NAT1: variants seen among roughly 807,000 people sequenced by gnomAD.
NAT1 encodes N-acetyltransferase 1.
For missense variants in NAT1, 400 were observed against 339.2 expected, an observed-to-expected ratio of 1.18 and a Z score of -1.41; for synonymous variants, 144 against 122.6, an observed-to-expected ratio of 1.17 and a Z score of -1.16.
upstream of NAT1, among the ~76,000 whole-genome samples, chr8:18,209,282 T>G (rs1039323945): frequency 1.3e-5 from 2 of 152,348 alleles, no homozygotes; most frequent in Non-Finnish European, 2.9e-5. Context: ...AGGCATGTTC[T>G]AGAACAGTAG....
intron 2 of NAT1, among the ~76,000 whole-genome samples, chr8:18,198,964 CT>C (rs199668759): frequency 1.3e-5 from 2 of 151,572 alleles, no homozygotes; most frequent in African/African-American, 4.8e-5. Flanking sequence ...AGTGTTTTCT[CT>C]TTTTTTTGGA....
chr8:18,172,693 A>G (rs1802142688), intron 2 of NAT1, among the ~76,000 whole-genome samples: 1 of 152,214 alleles, frequency 6.6e-6, no homozygotes, highest in Non-Finnish European at 1.5e-5. Flanking sequence ...ATTCTGTTAT[A>G]AAATTAACTC....
intron 2 of NAT1, among the ~76,000 whole-genome samples, chr8:18,188,994 C>CAAAAAAAAAAAAAAAAAAAAAAAAAAA (rs55636901): frequency 1.2e-5 from 1 of 83,120 alleles, no homozygotes; most frequent in East Asian, 4.0e-4. Context: ...GACTCCGACT[C>CAAAAAAAAAAAAAAAAAAAAAAAAAAA]AAAAAAAAAA....
At chr8:18,209,586 C>A (rs1563181502), upstream of NAT1, among the ~76,000 whole-genome samples, 1 of 152,066 alleles carries the variant, frequency 6.6e-6, no homozygotes, top group Non-Finnish European at 1.5e-5. Flanking sequence ...CATATATCAC[C>A]CTCATACCAC....
intron 2 of NAT1, among the ~76,000 whole-genome samples, chr8:18,186,096 AG>A (rs373941765): frequency 2.4e-3 from 371 of 152,252 alleles, no homozygotes; most frequent in African/African-American, 8.7e-3. Context: ...TTTTGGGTGA[AG>A]TTTTCTACAT....
At chr8:18,186,450 C>T (rs1802739243) in intron 2 of NAT1, among the ~76,000 whole-genome samples, 1 of 152,078 alleles carries the variant, frequency 6.6e-6, no homozygotes, top group Admixed American at 6.6e-5. Context: ...TCACTCTTTT[C>T]CTTTCAAGCC....
At chr8:18,171,724 G>A (rs1802103594) in intron 2 of NAT1, among the ~76,000 whole-genome samples, 1 of 152,166 alleles carries the variant, frequency 6.6e-6, no homozygotes, top group African/African-American at 2.4e-5. Flanking sequence ...AAACCAGACT[G>A]CAGAGTTTAT....
chr8:18,217,886 T>G (rs901496427), intron 1 of NAT1, among the ~76,000 whole-genome samples: 1 of 152,190 alleles, frequency 6.6e-6, no homozygotes, highest in Non-Finnish European at 1.5e-5. Flanking sequence ...TCTTGTATAA[T>G]AGGGGCAATT....
At chr8:18,220,916 C>T (rs1436906038) in intron 2 of NAT1, among the ~76,000 whole-genome samples, 2 of 152,330 alleles carry the variant, frequency 1.3e-5, no homozygotes, top group African/African-American at 4.8e-5. Context: ...CCACCTAGTC[C>T]ATGTGACTAT....
Position 18,222,567 on chromosome 8 carries a change from G to A in NAT1, c.520G>A (p.Glu174Lys), listed in dbSNP as rs371668421. Reference sequence around the variant, plus strand: ...AAGGGAACAGTACATTCCAAATGAAGAATTTCTTCATTCTGATCTCCTAGA... The same window carrying A: ...AAGGGAACAGTACATTCCAAATGAAAAATTTCTTCATTCTGATCTCCTAGA... ...IRREQYIPNE[E>K]FLHSDLLEDS... Residue 174 changes from glutamate to lysine, a missense_variant, in exon 3 of 3, where the codon GAA (glutamate) becomes AAA (lysine). Coordinates refer to ENST00000307719, the MANE Select transcript of NAT1 (RefSeq NM_000662.8). The A allele has an allele frequency of 3.1e-6, 5 of 1,613,992 alleles. No homozygotes were observed. In the South Asian group the frequency reaches 5.5e-5, roughly 18 times the overall value.
At chr8:18,204,862 A>G (rs1216035531) in intron 2 of NAT1, among the ~76,000 whole-genome samples, 2 of 152,244 alleles carry the variant, frequency 1.3e-5, no homozygotes, top group African/African-American at 4.8e-5. Context: ...AAATCCTTTT[A>G]TCCTATTTGA....
intron 2 of NAT1, among the ~76,000 whole-genome samples, chr8:18,190,151 C>A (rs1802922650): frequency 6.6e-6 from 1 of 152,130 alleles, no homozygotes; most frequent in Non-Finnish European, 1.5e-5. Context: ...TTATAAGAAC[C>A]TGATGAGTGA....
chr8:18,173,431 A>G (rs1802173321), intron 2 of NAT1, among the ~76,000 whole-genome samples: 2 of 151,988 alleles, frequency 1.3e-5, no homozygotes, highest in African/African-American at 4.8e-5. Context: ...CCAACATATC[A>G]CTACACAGAG....
At chr8:18,184,308 T>A (rs886969891) in intron 2 of NAT1, among the ~76,000 whole-genome samples, 9 of 152,184 alleles carry the variant, frequency 5.9e-5, no homozygotes, top group African/African-American at 2.2e-4. Context: ...TTAGAATGCA[T>A]GGATCAGAGT....
chr8:18,201,298 G>A (rs189443929), intron 2 of NAT1: 1 of 152,170 alleles, frequency 6.6e-6, no homozygotes, highest in East Asian at 1.9e-4. Flanking sequence ...GTCCATTTTG[G>A]ATTCATTCAT....
chr8:18,190,681 T>C (rs1802945892), intron 2 of NAT1, among the ~76,000 whole-genome samples: 1 of 152,228 alleles, frequency 6.6e-6, no homozygotes, highest in Non-Finnish European at 1.5e-5. Context: ...GCCAGTTTTA[T>C]GCCTTCTGTC....
chr8:18,198,523 CTA>C (rs1008188767), intron 2 of NAT1, among the ~76,000 whole-genome samples: 9 of 152,220 alleles, frequency 5.9e-5, no homozygotes, highest in African/African-American at 2.2e-4. Context: ...GCAATAAACA[CTA>C]TTTCTGAAAA....
At chr8:18,174,649 T>A (rs1197281010) in intron 2 of NAT1, among the ~76,000 whole-genome samples, 1 of 152,062 alleles carries the variant, frequency 6.6e-6, no homozygotes, top group African/African-American at 2.4e-5. Context: ...GGGCGGTTAT[T>A]GTGATTTTTC....
In NAT1 at chr8:18,222,336, C is replaced by T. The variant is rs142535782; in HGVS notation, c.289C>T (p.Pro97Ser). The T allele has an allele frequency of 1.2e-6, 2 of 1,614,060 alleles. No individual in the cohort carries two copies. Among genetic ancestry groups the T allele is most frequent in the South Asian group, 1.1e-5 (1 of 91,078 alleles). ...TMLGGYVYST[P>S]AKKYSTGMIH... ...GTTGGGAGGGTATGTTTACAGCACT[C>T]CAGCCAAAAAATACAGCACTGGCAT... is the stretch of plus-strand genomic sequence containing the variant. The change falls in exon 3 of 3, where the codon CCA (proline) becomes TCA (serine). Residue 97 changes from proline (P) to serine (S), a missense_variant. By Grantham distance (74) the Pro-to-Ser change is moderately conservative (BLOSUM62 -1). Coordinates refer to ENST00000307719, the MANE Select transcript of NAT1 (RefSeq NM_000662.8).
Sources: allele counts gnomAD v4.1 joint callset (sites outside exome capture counted in the v4.1 genomes callset), GRCh38; gene constraint gnomAD v4.1.1; transcripts MANE v1.5; gene names NCBI Gene and HGNC (gene_info 2026-07-23, HGNC 2026-07-21).